The following RUNDC3B variants were observed in gnomAD, a reference collection of about 807,000 sequenced individuals.
RUNDC3B encodes the protein RUN domain-containing protein 3B.
A neutral mutation model predicts 58.4 loss-of-function variants in RUNDC3B; 33 were observed. The ratio of observed to expected loss-of-function variants is 0.56; its 90% CI spans 0.43 to 0.75. The LOEUF (loss-of-function observed/expected upper bound fraction) is 0.75. Among genes scored for constraint, RUNDC3B ranks in the 30% least tolerant of loss-of-function variants. The pLI is 0.00. For missense variants in RUNDC3B, 501 were observed against 535.7 expected (o/e 0.94, Z 0.64); for synonymous variants, 193 against 195.2 (o/e 0.99, Z 0.10).
At position 87,709,267 on chromosome 7, in the gene RUNDC3B, G is replaced by C. The variant is rs143734029; in HGVS notation, c.373-1303G>C. On this transcript the variant is annotated intron_variant, in intron 3 of 10. Transcript: ENST00000394654. ...AGTCTCCTGTGCTGAATTGTCTCTG[G>C]AGAGCAACTTTCTTGACTTCATTGG... is the stretch of plus-strand genomic sequence containing the variant. The C allele has an allele frequency of 1.0e-5, 10 of 985,278 alleles. No homozygotes were observed. The East Asian group carries it at 1.0e-3, about 101-fold the overall frequency. 61.0% of individuals were successfully genotyped at this position (985,278 alleles called of 1,614,324 possible). A position where few individuals can be genotyped will look rare whatever the true frequency, so the allele number is the denominator to read the frequency against.
intron 8 of RUNDC3B, among the ~76,000 whole-genome samples, chr7:87,806,823 G>A (rs547026927): frequency 1.1e-3 from 174 of 152,122 alleles, no homozygotes; most frequent in African/African-American, 4.1e-3. Flanking sequence ...ACAGTCATGG[G>A]ATTCAAGCCA....
intron 10 of RUNDC3B, among the ~76,000 whole-genome samples, chr7:87,817,171 A>G (rs768674493): frequency 3.3e-5 from 5 of 152,116 alleles, no homozygotes; most frequent in Non-Finnish European, 5.9e-5. Context: ...CCTAGATTCT[A>G]TTCTTTCTCC....
At chr7:87,629,378 A>G (rs1216961855) in intron 1 of RUNDC3B, 1 of 156,514 alleles carries the variant, frequency 6.4e-6, no homozygotes, top group Admixed American at 6.5e-5. Context: ...GCTTGTTTAC[A>G]TTATCTTCAG....
At chr7:87,684,232 A>C (rs1210929542) in intron 2 of RUNDC3B, among the ~76,000 whole-genome samples, 2 of 152,164 alleles carry the variant, frequency 1.3e-5, no homozygotes, top group Non-Finnish European at 2.9e-5. Context: ...ACAGATTGGA[A>C]AACTCGTTGT....
In RUNDC3B at chr7:87,771,263, G is replaced by GAT. The variant is rs149249106; in HGVS notation, c.798+526_798+527dup. On this transcript the variant is annotated intron_variant, in intron 7 of 10. Transcript: ENST00000394654. Reference sequence around the variant, plus strand: ...TCTTTTAATATCATTATTCATAGATGATATATATATATAAGGAAAGCCCAA... The same window carrying GAT: ...TCTTTTAATATCATTATTCATAGATGATATATATATATATAAGGAAAGCCCAA... 2.0e-4 allele frequency among the ~76,000 whole-genome samples: 30 copies of GAT among 150,548 alleles called. No individual in the cohort carries two copies. In the South Asian group the frequency reaches 2.1e-3, roughly 11 times the overall value.
At chr7:87,661,409 C>G (rs547710664) in intron 2 of RUNDC3B, among the ~76,000 whole-genome samples, 3 of 151,580 alleles carry the variant, frequency 2.0e-5, no homozygotes, top group South Asian at 2.1e-4. Context: ...CTAACTGCCC[C>G]CCACCTTCAC....
chr7:87,803,096 A>T (rs948070656), intron 8 of RUNDC3B, among the ~76,000 whole-genome samples: 2 of 152,216 alleles, frequency 1.3e-5, no homozygotes, highest in Admixed American at 1.3e-4. Flanking sequence ...CATAGTTATG[A>T]ATTATATATT....
At chr7:87,822,135 C>T (rs1002804447) in intron 10 of RUNDC3B, among the ~76,000 whole-genome samples, 31 of 152,262 alleles carry the variant, frequency 2.0e-4, no homozygotes, top group African/African-American at 7.0e-4. Context: ...TTTCCGCAAC[C>T]TACTCATCTG....
rs373306370 is a variant in RUNDC3B at position 87,782,137 on chromosome 7, A to T, written c.956+4182A>T. On this transcript the variant is annotated intron_variant, in intron 8 of 10. Coordinates refer to ENST00000394654, the MANE Select transcript of RUNDC3B (RefSeq NM_001134405.2). ...ACTTTTCTTAGTTGGTAGGTTTCTT[A>T]TTACTGTTTTAGAGCTTATTTCTCT... Among the ~76,000 whole-genome samples, 19 of 151,954 alleles carry T rather than the reference A, an allele frequency of 1.3e-4. No individual in the cohort carries two copies. The South Asian group carries it at 3.9e-3, about 32-fold the overall frequency.
At chr7:87,733,132 GC>G (rs199599293) in intron 4 of RUNDC3B, among the ~76,000 whole-genome samples, 15,938 of 151,934 alleles carry the variant, frequency 0.1, 1,096 homozygotes, top group Admixed American at 0.21. Flanking sequence ...ATGGACAGGC[GC>G]CCCCCCATGC....
chr7:87,787,813 T>A (rs1200839697), intron 8 of RUNDC3B, among the ~76,000 whole-genome samples: 2 of 152,218 alleles, frequency 1.3e-5, no homozygotes, highest in African/African-American at 4.8e-5. Context: ...CCTTAAAATC[T>A]CCTTTATAAA....
chr7:87,684,787 TAGAG>T (rs1355851782), intron 2 of RUNDC3B, among the ~76,000 whole-genome samples: 5 of 113,968 alleles, frequency 4.4e-5, no homozygotes, highest in Non-Finnish European at 9.3e-5. Context: ...TAGAATAGAA[TAGAG>T]AGTTTGGAAA....
intron 6 of RUNDC3B, among the ~76,000 whole-genome samples, chr7:87,763,369 C>G (rs1480462076): frequency 6.6e-6 from 1 of 151,600 alleles, no homozygotes; most frequent in Non-Finnish European, 1.5e-5. Flanking sequence ...TGTGTACCTT[C>G]TTGCAAAACA....
intron 10 of RUNDC3B, among the ~76,000 whole-genome samples, chr7:87,821,349 T>C (rs375429799): frequency 5.3e-5 from 8 of 152,122 alleles, no homozygotes; most frequent in Admixed American, 3.3e-4. Context: ...TGAAGGACCT[T>C]TTCAAGCAGA....
chr7:87,687,972 C>T (rs1827635772), intron 2 of RUNDC3B, among the ~76,000 whole-genome samples: 1 of 152,148 alleles, frequency 6.6e-6, no homozygotes, highest in African/African-American at 2.4e-5. Flanking sequence ...GAAAATGAGA[C>T]TTAAATTGTT....
intron 8 of RUNDC3B, among the ~76,000 whole-genome samples, chr7:87,786,134 A>G (rs760797741): frequency 2.4e-4 from 37 of 152,024 alleles, no homozygotes; most frequent in Non-Finnish European, 3.7e-4. Flanking sequence ...TTGAAGGGAG[A>G]TGTGTTTCCT....
At chr7:87,793,561 T>A (rs1259291073) in intron 8 of RUNDC3B, among the ~76,000 whole-genome samples, 2 of 152,116 alleles carry the variant, frequency 1.3e-5, no homozygotes, top group South Asian at 2.1e-4. Context: ...ATCAACAGAA[T>A]GAAGGATTAA....
At chr7:87,795,217 G>C (rs1354127111) in intron 8 of RUNDC3B, among the ~76,000 whole-genome samples, 2 of 152,148 alleles carry the variant, frequency 1.3e-5, no homozygotes, top group African/African-American at 4.8e-5. Flanking sequence ...GAAAATATTT[G>C]CAAACTATCC....
chr7:87,754,018 G>A (rs1053712678), intron 6 of RUNDC3B, among the ~76,000 whole-genome samples: 10 of 152,192 alleles, frequency 6.6e-5, no homozygotes, highest in African/African-American at 2.4e-4. Context: ...GTCAGTGGGA[G>A]GGGAGCTGAC....
Sources: gnomAD v4.1 joint callset for allele counts (sites outside exome capture counted in the v4.1 genomes callset) on GRCh38, gnomAD v4.1.1 for gene constraint, MANE v1.5 for transcripts, NCBI Gene and HGNC (gene_info 2026-07-23, HGNC 2026-07-21) for gene names.